The following DAB1 variants were observed in gnomAD, a reference collection of about 807,000 sequenced individuals.
DAB1 encodes disabled homolog 1.
In DAB1, 15 loss-of-function variants were observed where a neutral mutation model predicts 64.6. That is an observed-to-expected ratio of 0.23 (90% CI 0.16 to 0.36). The LOEUF is 0.36. Ranked by LOEUF, DAB1 falls within the 10% of genes least tolerant of loss-of-function variation. The pLI, the probability that DAB1 is intolerant of heterozygous loss-of-function variation, is 1.00. For missense variants in DAB1, 596 were observed against 706.7 expected, an observed-to-expected ratio of 0.84 and a Z score of 1.78; for synonymous variants, 235 against 251.9, an observed-to-expected ratio of 0.93 and a Z score of 0.64.
chr1:57,497,319 G>C (rs935503317), intron 7 of DAB1, among the ~76,000 whole-genome samples: 4 of 152,152 alleles, frequency 2.6e-5, no homozygotes, highest in African/African-American at 9.7e-5. Context: ...CAAGGACACT[G>C]ATCAGGTTTG....
intron 1 of DAB1, among the ~76,000 whole-genome samples, chr1:57,292,202 A>G (rs1672833784): frequency 6.6e-6 from 1 of 152,200 alleles, no homozygotes; most frequent in African/African-American, 2.4e-5. Flanking sequence ...TTTCAGTTCA[A>G]AAAGAATAAT....
chr1:58,264,400 T>C (rs1661114750), intron 4 of DAB1, among the ~76,000 whole-genome samples: 1 of 152,208 alleles, frequency 6.6e-6, no homozygotes, highest in Non-Finnish European at 1.5e-5. Context: ...CTTCCATAAA[T>C]AGATATAGCC....
intron 5 of DAB1, among the ~76,000 whole-genome samples, chr1:58,124,161 G>A (rs907084114): frequency 6.6e-6 from 1 of 151,254 alleles, no homozygotes; most frequent in African/African-American, 2.4e-5. Context: ...GAATAAAATA[G>A]TTGCTATCAG....
At chr1:57,183,651 A>G (rs980941171) in intron 2 of DAB1, among the ~76,000 whole-genome samples, 1 of 152,156 alleles carries the variant, frequency 6.6e-6, no homozygotes, top group Non-Finnish European at 1.5e-5. Context: ...GTTGTTCCTA[A>G]TAACTTGCCA....
chr1:58,022,563 T>C (rs1004382573), intron 5 of DAB1, among the ~76,000 whole-genome samples: 14 of 152,162 alleles, frequency 9.2e-5, no homozygotes, highest in African/African-American at 3.1e-4. Flanking sequence ...TGCCTATTAT[T>C]ATTATCACTA....
chr1:57,161,850 CAA>C (rs74260673), intron 2 of DAB1, among the ~76,000 whole-genome samples: 20 of 127,796 alleles, frequency 1.6e-4, no homozygotes, highest in Admixed American at 4.0e-4. Context: ...ACCCATTCTT[CAA>C]AAAAAAAAAA....
Position 57,748,693 on chromosome 1 carries a change from C to T in DAB1, n.552-99028G>A, listed in dbSNP as rs569011128. Among the ~76,000 whole-genome samples the T allele has an allele frequency of 7.2e-5, 11 of 152,264 alleles. No individual in the cohort carries two copies. The East Asian group carries it at 2.1e-3, about 29-fold the overall frequency. On this transcript the variant is annotated intron_variant and non_coding_transcript_variant, in intron 6 of 20. Coordinates refer to the DAB1 transcript ENST00000485760. ...AGCTTCCCAGAATAGTGAGCCCCTA[C>T]CACCTTAGGGAGAGGTTTCAGCTGC...
chr1:57,652,592 T>C (rs1646269754), intron 6 of DAB1, among the ~76,000 whole-genome samples: 1 of 152,222 alleles, frequency 6.6e-6, no homozygotes, highest in Admixed American at 6.5e-5. Flanking sequence ...TTCTACTTTA[T>C]AATCCTTCTG....
intron 2 of DAB1, among the ~76,000 whole-genome samples, chr1:57,246,305 G>A (rs939056360): frequency 6.6e-6 from 1 of 152,170 alleles, no homozygotes; most frequent in African/African-American, 2.4e-5. Context: ...GGCACCCTAT[G>A]TCCCAGCTGC....
intron 6 of DAB1, among the ~76,000 whole-genome samples, chr1:57,755,818 C>T (rs189180573): frequency 6.6e-6 from 1 of 152,214 alleles, no homozygotes; most frequent in Admixed American, 6.5e-5. Context: ...GAGCTCTGAT[C>T]CTTAATACTG....
At chr1:57,889,894 T>TGGGGGGGG (rs1259975929) in intron 5 of DAB1, among the ~76,000 whole-genome samples, 7 of 8,002 alleles carry the variant, frequency 8.7e-4, no homozygotes, top group African/African-American at 2.0e-3. Context: ...TAGCACAAAC[T>TGGGGGGGG]GGGGCGGGGG....
chr1:58,025,992 T>G (rs1646889470), intron 5 of DAB1, among the ~76,000 whole-genome samples: 1 of 152,002 alleles, frequency 6.6e-6, no homozygotes, highest in African/African-American at 2.4e-5. Context: ...CCTTCAAGTT[T>G]TAACTAAAAC....
chr1:57,434,330 C>A (rs1395579572), intron 7 of DAB1, among the ~76,000 whole-genome samples: 1 of 152,086 alleles, frequency 6.6e-6, no homozygotes, highest in African/African-American at 2.4e-5. Context: ...CTGACATATG[C>A]AGCAATATGG....
intron 5 of DAB1, among the ~76,000 whole-genome samples, chr1:57,959,432 A>G (rs1415480727): frequency 2.6e-5 from 4 of 152,244 alleles, no homozygotes; most frequent in Non-Finnish European, 5.9e-5. Flanking sequence ...AATCTCATTT[A>G]TAAATTGTTT....
At chr1:57,123,870 A>C (rs1483614650) in intron 4 of DAB1, among the ~76,000 whole-genome samples, 2 of 152,134 alleles carry the variant, frequency 1.3e-5, no homozygotes, top group South Asian at 2.1e-4. Context: ...TATATACACA[A>C]AAAAATCTTG....
At chr1:58,397,233 T>A (rs1419288178) in intron 3 of DAB1, among the ~76,000 whole-genome samples, 2 of 152,142 alleles carry the variant, frequency 1.3e-5, no homozygotes, top group Non-Finnish European at 2.9e-5. Context: ...GAACCTGTGA[T>A]CAGCCCATAC....
At chr1:57,033,966 T>C (rs1472936917) in intron 9 of DAB1, among the ~76,000 whole-genome samples, 1 of 152,142 alleles carries the variant, frequency 6.6e-6, no homozygotes, top group East Asian at 1.9e-4. Flanking sequence ...TTTTTATACA[T>C]GTTGTCTTCT....
intron 3 of DAB1, among the ~76,000 whole-genome samples, chr1:58,467,011 T>C (rs1645304345): frequency 6.6e-6 from 1 of 152,206 alleles, no homozygotes; most frequent in Admixed American, 6.5e-5. Context: ...CCTTGTGTGA[T>C]GCAGATACAG....
intron 4 of DAB1, among the ~76,000 whole-genome samples, chr1:58,239,756 C>T (rs1395422694): frequency 2.0e-5 from 3 of 152,134 alleles, no homozygotes; most frequent in East Asian, 3.9e-4. Context: ...GGTCTCCACA[C>T]CTGAACCTCT....
Sources: allele counts gnomAD v4.1 joint callset (sites outside exome capture counted in the v4.1 genomes callset), GRCh38; gene constraint gnomAD v4.1.1; transcripts MANE v1.5; gene names NCBI Gene and HGNC (gene_info 2026-07-23, HGNC 2026-07-21).